The following NFIA variants were observed in gnomAD, a reference collection of about 807,000 sequenced individuals.
The protein encoded by NFIA is nuclear factor I A.
Under a neutral mutation model 62.8 loss-of-function variants are expected in NFIA, and 8 were observed. The observed-to-expected ratio is 0.13, with a 90% confidence interval of 0.07 to 0.23. The LOEUF is 0.23. Ranked by LOEUF, NFIA falls within the 10% of genes least tolerant of loss-of-function variation. NFIA has a pLI of 1.00. For synonymous variants in NFIA, 235 were observed against 238.1 expected (o/e 0.99, Z 0.12); for missense variants, 410 against 642.1 (o/e 0.64, Z 3.91).
intron 7 of NFIA, 33 bp downstream of exon 7, chr1:61,383,398 T>A: frequency 6.2e-7 from 1 of 1,612,676 alleles, no homozygotes; most frequent in Non-Finnish European, 8.5e-7. Flanking sequence ...TTGGTTGTGC[T>A]TATATCATGG....
At chr1:61,383,677 T>TGA (rs920111863) in intron 7 of NFIA, among the ~76,000 whole-genome samples, 14 of 152,060 alleles carry the variant, frequency 9.2e-5, no homozygotes, top group Middle Eastern at 3.4e-3. Flanking sequence ...TGTGTGTGTG[T>TGA]GAGAGAGAGA....
intron 2 of NFIA, among the ~76,000 whole-genome samples, chr1:61,137,936 C>T (rs1167333409): frequency 1.3e-5 from 2 of 150,870 alleles, no homozygotes; most frequent in African/African-American, 4.9e-5. Flanking sequence ...CTTTCTCTCT[C>T]TCTCTCTCTC....
At chr1:61,441,512 T>G (rs891303916) in intron 10 of NFIA, among the ~76,000 whole-genome samples, 14 of 152,194 alleles carry the variant, frequency 9.2e-5, no homozygotes, top group African/African-American at 3.4e-4. Flanking sequence ...AGGGAGGACC[T>G]TTGATTTAAA....
chr1:61,107,581 C>A (rs1646626300), intron 2 of NFIA, among the ~76,000 whole-genome samples: 1 of 151,306 alleles, frequency 6.6e-6, no homozygotes, highest in Non-Finnish European at 1.5e-5. Flanking sequence ...TAATTTTTGG[C>A]CAGTGTACGT....
intron 9 of NFIA, among the ~76,000 whole-genome samples, chr1:61,416,904 A>G (rs1037447352): frequency 2.6e-5 from 4 of 152,174 alleles, no homozygotes; most frequent in African/African-American, 9.7e-5. Flanking sequence ...GAAAATCTTA[A>G]AACACCCCAT....
intron 2 of NFIA, among the ~76,000 whole-genome samples, chr1:61,269,927 C>T (rs1657407232): frequency 1.3e-5 from 2 of 152,164 alleles, no homozygotes; most frequent in African/African-American, 2.4e-5. Flanking sequence ...CTGGCTTAGA[C>T]AAAGTGTTGC....
At chr1:61,177,653 T>TTGTG (rs56299869) in intron 2 of NFIA, among the ~76,000 whole-genome samples, 3,878 of 146,120 alleles carry the variant, frequency 0.027, 98 homozygotes, top group African/African-American at 0.064. Flanking sequence ...GTTTTCTCTA[T>TTGTG]TGTGTGTGTG....
chr1:61,309,907 G>A (rs1417706015), intron 3 of NFIA, among the ~76,000 whole-genome samples: 1 of 152,154 alleles, frequency 6.6e-6, no homozygotes, highest in Admixed American at 6.5e-5. Flanking sequence ...AATAAATTTA[G>A]GTGAATGTTA....
At chr1:61,395,872 C>G (rs1472868767) in intron 7 of NFIA, among the ~76,000 whole-genome samples, 3 of 152,164 alleles carry the variant, frequency 2.0e-5, no homozygotes, top group African/African-American at 7.2e-5. Context: ...AAGACTGAGT[C>G]TAGATATACT....
intron 2 of NFIA, among the ~76,000 whole-genome samples, chr1:61,206,507 T>G (rs533219244): frequency 5.9e-4 from 90 of 152,334 alleles, no homozygotes; most frequent in African/African-American, 2.1e-3. Flanking sequence ...AACCAATGAC[T>G]AGCATTTTAT....
intron 9 of NFIA, among the ~76,000 whole-genome samples, chr1:61,423,794 T>C (rs1341183177): frequency 6.6e-6 from 1 of 152,178 alleles, no homozygotes; most frequent in East Asian, 1.9e-4. Flanking sequence ...TGGGACTATA[T>C]CCTGTTATAG....
intron 10 of NFIA, among the ~76,000 whole-genome samples, chr1:61,446,388 T>C (rs1667812149): frequency 6.6e-6 from 1 of 152,072 alleles, no homozygotes; most frequent in Non-Finnish European, 1.5e-5. Flanking sequence ...TTGGTCTGCA[T>C]GGCCTGGGAG....
chr1:61,384,475 TC>T, intron 7 of NFIA, among the ~76,000 whole-genome samples: 1 of 152,168 alleles, frequency 6.6e-6, no homozygotes. Context: ...TAGAACTTTC[TC>T]AAGATCCCTT....
chr1:61,408,383 G>T (rs894889363), intron 9 of NFIA, among the ~76,000 whole-genome samples: 1 of 151,886 alleles, frequency 6.6e-6, no homozygotes, highest in Non-Finnish European at 1.5e-5. Flanking sequence ...TGCCCTGCTC[G>T]TTGTGTATTT....
intron 10 of NFIA, among the ~76,000 whole-genome samples, chr1:61,450,624 A>G (rs1236391608): frequency 6.6e-6 from 1 of 152,140 alleles, no homozygotes; most frequent in Admixed American, 6.5e-5. Context: ...ATGTGTGTGA[A>G]TGTCCTCAAA....
At chr1:61,081,073 G>A (rs1025614668), upstream of NFIA, among the ~76,000 whole-genome samples, 1 of 152,118 alleles carries the variant, frequency 6.6e-6, no homozygotes, top group Admixed American at 6.5e-5. Context: ...ATTCCCCTGT[G>A]TGCCAGTGTC....
intron 2 of NFIA, among the ~76,000 whole-genome samples, chr1:61,264,372 G>A (rs1374519609): frequency 6.6e-6 from 1 of 152,040 alleles, no homozygotes; most frequent in Non-Finnish European, 1.5e-5. Context: ...GACTGAGCGT[G>A]GTGACTCACG....
Position 61,455,627 on chromosome 1 carries a change from C to T in NFIA, c.*307C>T, listed in dbSNP as rs142553273. 468 of 446,030 alleles carry T rather than the reference C, an allele frequency of 1.0e-3. No individual in the cohort carries two copies. Among genetic ancestry groups the T allele is most frequent in the Admixed American group, 1.6e-3 (38 of 23,974 alleles). The allele number at this position is 446,030 out of a possible 1,614,324, so 27.6% of individuals were successfully genotyped here. On this transcript the variant is annotated 3_prime_UTR_variant, in exon 11 of 11. Coordinates refer to ENST00000403491, the MANE Select transcript of NFIA (RefSeq NM_001134673.4). ...CCATGGTAGCGTGAGCATTAGGTGA[C>T]GTGGCTAGCGGAGGACTACCCTTGC...
chr1:61,127,261 T>C (rs1646992144), intron 2 of NFIA, among the ~76,000 whole-genome samples: 1 of 151,016 alleles, frequency 6.6e-6, no homozygotes, highest in Non-Finnish European at 1.5e-5. Context: ...ATCGAGACCA[T>C]CCTGGCTAAC....
Sources: gnomAD v4.1 joint callset for allele counts (sites outside exome capture counted in the v4.1 genomes callset) on GRCh38, gnomAD v4.1.1 for gene constraint, MANE v1.5 for transcripts, NCBI Gene and HGNC (gene_info 2026-07-23, HGNC 2026-07-21) for gene names.